RPH3A: variants seen among roughly 807,000 people sequenced by gnomAD.
RPH3A encodes rabphilin-3A.
A neutral mutation model predicts 102.2 loss-of-function variants in RPH3A; 48 were observed. The ratio of observed to expected loss-of-function variants is 0.47; its 90% CI spans 0.37 to 0.60. The LOEUF (loss-of-function observed/expected upper bound fraction) is 0.60. RPH3A is among the 20% of genes least tolerant of loss of function. RPH3A has a pLI of 0.00. For synonymous variants in RPH3A, 310 were observed against 324.3 expected (o/e 0.96, Z 0.47); for missense variants, 781 against 910.1 (o/e 0.86, Z 1.83).
At chr12:112,619,753 A>G (rs2039708718) in intron 1 of RPH3A, among the ~76,000 whole-genome samples, 1 of 151,610 alleles carries the variant, frequency 6.6e-6, no homozygotes, top group African/African-American at 2.4e-5. Flanking sequence ...ATGAAGTCTG[A>G]TTTGCTTTTT....
chr12:112,665,519 T>G (rs2040078251), intron 1 of RPH3A, among the ~76,000 whole-genome samples: 1 of 152,218 alleles, frequency 6.6e-6, no homozygotes, highest in Non-Finnish European at 1.5e-5. Flanking sequence ...GGGATAATAA[T>G]TGTCCTTATC....
rs116185340 is a variant in RPH3A at position 112,796,772 on chromosome 12, C to T, written c.-19+4509C>T. Among the ~76,000 whole-genome samples the T allele has an allele frequency of 1.5e-3, 224 of 152,232 alleles. 1 individual carries two copies. Among genetic ancestry groups the T allele is most frequent in the African/African-American group, 5.1e-3 (213 of 41,546 alleles). ...TGGCAATAAAGACACAGTCCTGGCC[C>T]GGTGGGGTGGTTCATGCCTGTAATC... On this transcript the variant is annotated intron_variant, in intron 2 of 21. Transcript: ENST00000389385.
chr12:112,723,666 C>A lies in RPH3A; in HGVS notation c.-139-68477C>A, dbSNP rs1005191262. The stretch of plus-strand genomic sequence containing the variant: ...AATCCACGAGAACCGCTAGAGATCA[C>A]TTTTTACTATGATACACAATTTACT... On this transcript the variant is annotated intron_variant, in intron 1 of 21. Coordinates refer to the RPH3A transcript ENST00000543106. 3.9e-5 allele frequency among the ~76,000 whole-genome samples: 6 copies of A among 152,314 alleles called. 1 individual carries two copies. Among genetic ancestry groups the A allele is most frequent in the Admixed American group, 3.9e-4 (6 of 15,302 alleles).
At chr12:112,651,634 T>C (rs886812913) in intron 1 of RPH3A, 1 of 152,244 alleles carries the variant, frequency 6.6e-6, no homozygotes, top group Admixed American at 6.5e-5. Flanking sequence ...AATATACAAT[T>C]GAGTAGCATT....
chr12:112,799,971 C>T (rs73427013), intron 2 of RPH3A, among the ~76,000 whole-genome samples: 1,999 of 152,294 alleles, frequency 0.013, 51 homozygotes, highest in African/African-American at 0.046. Context: ...CTCATTCCCC[C>T]ATTCCCTCCT....
chr12:112,627,085 G>A (rs974785326), intron 1 of RPH3A, among the ~76,000 whole-genome samples: 182 of 125,228 alleles, frequency 1.5e-3, no homozygotes, highest in Non-Finnish European at 2.6e-3. Flanking sequence ...GGGAGGGATA[G>A]CATTGGGAGA....
chr12:112,716,859 A>G (rs763466182), intron 1 of RPH3A, among the ~76,000 whole-genome samples: 3 of 152,230 alleles, frequency 2.0e-5, no homozygotes, highest in Non-Finnish European at 2.9e-5. Flanking sequence ...TCTGGTGAGC[A>G]CAGGTACACA....
intron 5 of RPH3A, among the ~76,000 whole-genome samples, chr12:112,858,447 G>C (rs1368630202): frequency 6.6e-6 from 1 of 151,928 alleles, no homozygotes; most frequent in African/African-American, 2.4e-5. Flanking sequence ...CCACCATTCA[G>C]CCTCCCAGCC....
At chr12:112,894,438 T>C (rs2136273642) in intron 19 of RPH3A, 140 bp from the exon 20 acceptor site, 1 of 749,488 alleles carries the variant, frequency 1.3e-6, no homozygotes. Flanking sequence ...GATGCTCTAA[T>C]GCATATTGGT....
chr12:112,803,313 C>T (rs1355789453), intron 2 of RPH3A, among the ~76,000 whole-genome samples: 1 of 151,804 alleles, frequency 6.6e-6, no homozygotes, highest in African/African-American at 2.4e-5. Context: ...CATCCTCTCC[C>T]TTTCTCCCAG....
At chr12:112,651,322 C>T (rs1268936198) in intron 1 of RPH3A, among the ~76,000 whole-genome samples, 5 of 152,022 alleles carry the variant, frequency 3.3e-5, no homozygotes, top group Admixed American at 6.6e-5. Flanking sequence ...GCAGAGATTG[C>T]ACCATTGCAC....
At chr12:112,587,281 A>AT (rs2039446177) in intron 1 of RPH3A, among the ~76,000 whole-genome samples, 1 of 152,242 alleles carries the variant, frequency 6.6e-6, no homozygotes. Context: ...AAAAATACAT[A>AT]TCAGTTTCTT....
At chr12:112,861,986 C>G (rs1225255551) in intron 5 of RPH3A, among the ~76,000 whole-genome samples, 1 of 138,456 alleles carries the variant, frequency 7.2e-6, no homozygotes, top group African/African-American at 2.7e-5. Context: ...GCACTCCAGC[C>G]TGGGTGACAG....
At chr12:112,586,535 G>A (rs2039440502) in intron 1 of RPH3A, among the ~76,000 whole-genome samples, 1 of 152,106 alleles carries the variant, frequency 6.6e-6, no homozygotes, top group South Asian at 2.1e-4. Context: ...GCTGGAATAA[G>A]CTAAGAGTAT....
At chr12:112,638,203 G>A (rs1026357529) in intron 1 of RPH3A, among the ~76,000 whole-genome samples, 8 of 152,010 alleles carry the variant, frequency 5.3e-5, no homozygotes, top group Admixed American at 1.3e-4. Flanking sequence ...TTCTGCACAC[G>A]CCAGCTCCCC....
At chr12:112,852,855 T>C (rs890376808) in intron 5 of RPH3A, among the ~76,000 whole-genome samples, 1 of 152,230 alleles carries the variant, frequency 6.6e-6, no homozygotes, top group African/African-American at 2.4e-5. Flanking sequence ...TCTTTATCCT[T>C]ATTATATTTC....
chr12:112,685,347 A>T (rs926651868), intron 1 of RPH3A, among the ~76,000 whole-genome samples: 13 of 152,114 alleles, frequency 8.5e-5, no homozygotes, highest in Non-Finnish European at 1.6e-4. Flanking sequence ...CCAACATGTG[A>T]ATTTGGGGAG....
chr12:112,890,162 GC>G, intron 18 of RPH3A, 82 bp downstream of exon 18: 2 of 1,265,224 alleles, frequency 1.6e-6, no homozygotes, highest in Non-Finnish European at 2.3e-6. Context: ...TCCCTCCCTG[GC>G]CCCTTCCTCA....
At chr12:112,589,821 G>A (rs374628566) in intron 1 of RPH3A, among the ~76,000 whole-genome samples, 10 of 152,290 alleles carry the variant, frequency 6.6e-5, no homozygotes, top group East Asian at 5.8e-4. Context: ...GGTGGCTCAC[G>A]CCTGTAATCC....
Sources: allele counts gnomAD v4.1 joint callset (sites outside exome capture counted in the v4.1 genomes callset), GRCh38; gene constraint gnomAD v4.1.1; transcripts MANE v1.5; gene names NCBI Gene and HGNC (gene_info 2026-07-23, HGNC 2026-07-21).